DIAPH1: variants seen among roughly 807,000 people sequenced by gnomAD.
DIAPH1 encodes protein diaphanous homolog 1.
DIAPH1 carries 46 observed loss-of-function variants against 140.7 expected under a neutral mutation model. That is an observed-to-expected ratio of 0.33 (90% CI 0.26 to 0.42). The LOEUF is 0.42. Among genes scored for constraint, DIAPH1 ranks in the 10% least tolerant of loss-of-function variants. DIAPH1 has a pLI of 1.00. For synonymous variants in DIAPH1, 565 were observed against 551.6 expected, an observed-to-expected ratio of 1.02 and a Z score of -0.34; for missense variants, 1,310 against 1,558.7, an observed-to-expected ratio of 0.84 and a Z score of 2.69.
chr5:141,574,305 T>C (rs756397564), intron 15 of DIAPH1, 97 bp from the exon 16 acceptor site: 46 of 1,236,812 alleles, frequency 3.7e-5, no homozygotes, highest in Non-Finnish European at 5.2e-5. Flanking sequence ...AAACTTCTCA[T>C]GTTACAAATG....
chr5:141,550,778 C>T (rs2099891571), intron 18 of DIAPH1, among the ~76,000 whole-genome samples: 2 of 152,134 alleles, frequency 1.3e-5, no homozygotes, highest in Admixed American at 1.3e-4. Flanking sequence ...CCCAGCTATC[C>T]TTTCCTTGTT....
intron 19 of DIAPH1, among the ~76,000 whole-genome samples, chr5:141,532,492 C>G (rs1328179387): frequency 6.6e-6 from 1 of 152,142 alleles, no homozygotes; most frequent in Admixed American, 6.5e-5. Context: ...GGTCTTTCAA[C>G]TCAGTTTAAG....
At chr5:141,616,912 G>C (rs768952605) in intron 1 of DIAPH1, among the ~76,000 whole-genome samples, 1 of 152,182 alleles carries the variant, frequency 6.6e-6, no homozygotes, top group Non-Finnish European at 1.5e-5. Flanking sequence ...CATTCCAAAA[G>C]ACAGGTGAAA....
At chr5:141,566,509 G>C (rs2099894399) in intron 18 of DIAPH1, among the ~76,000 whole-genome samples, 1 of 152,166 alleles carries the variant, frequency 6.6e-6, no homozygotes, top group African/African-American at 2.4e-5. Flanking sequence ...TTAGTAAAGA[G>C]GCAAAATGAT....
intron 18 of DIAPH1, among the ~76,000 whole-genome samples, chr5:141,542,316 C>T (rs570163313): frequency 6.6e-6 from 1 of 152,108 alleles, no homozygotes; most frequent in South Asian, 2.1e-4. Flanking sequence ...GCCTGTAATC[C>T]CAGCTACTCG....
intron 1 of DIAPH1, among the ~76,000 whole-genome samples, chr5:141,597,076 T>C (rs1213395510): frequency 1.3e-5 from 2 of 152,098 alleles, no homozygotes; most frequent in African/African-American, 4.8e-5. Flanking sequence ...GAAGACCAGT[T>C]TGGGAGGACC....
intron 18 of DIAPH1, among the ~76,000 whole-genome samples, chr5:141,537,582 A>G (rs528859135): frequency 6.6e-6 from 1 of 152,242 alleles, no homozygotes; most frequent in African/African-American, 2.4e-5. Flanking sequence ...GAAGAACTAC[A>G]AGAATTAATC....
chr5:141,578,147 A>G (rs2099896234), intron 11 of DIAPH1, 78 bp downstream of exon 11: 1 of 1,087,372 alleles, frequency 9.2e-7, no homozygotes, highest in African/African-American at 1.5e-5. Context: ...TCATCTCCCA[A>G]ACCATTCCAC....
intron 10 of DIAPH1, 22 bp from the exon 11 acceptor site, chr5:141,578,365 G>C (rs769851662): frequency 1.9e-6 from 3 of 1,596,846 alleles, no homozygotes; most frequent in Admixed American, 3.3e-5. Context: ...AAAAGTAGAA[G>C]TCAGGGAACC....
intron 18 of DIAPH1, among the ~76,000 whole-genome samples, chr5:141,544,836 T>G (rs2099890543): frequency 6.6e-6 from 1 of 152,206 alleles, no homozygotes; most frequent in Admixed American, 6.5e-5. Context: ...TTTGGCAGTT[T>G]CTTATACAGT....
Position 141,526,351 on chromosome 5 carries a change from C to T in DIAPH1, c.3384G>A (p.Lys1128=), listed in dbSNP as rs1596337419. Residue 1128 remains lysine (K), a synonymous_variant, in exon 25 of 28, where the codon AAG becomes AAA. Coordinates refer to ENST00000389054, the MANE Select transcript of DIAPH1 (RefSeq NM_005219.5). ...LGEYFLFDPK[K]LSVEEFFMDL... ...CCATGAAAAATTCTTCAACAGACAA[C>T]TTCTTGGGGTCAAAGAGGAAGTACT... is the stretch of plus-strand genomic sequence containing the variant. 6.2e-7 allele frequency: 1 copy of T among 1,614,198 alleles called. No individual in the cohort carries two copies.
At chr5:141,546,789 G>A (rs1262233908) in intron 18 of DIAPH1, among the ~76,000 whole-genome samples, 1 of 152,222 alleles carries the variant, frequency 6.6e-6, no homozygotes, top group Non-Finnish European at 1.5e-5. Flanking sequence ...GGGTGAAAGA[G>A]GTAGATCAAG....
chr5:141,611,436 G>A (rs1248135699), intron 1 of DIAPH1, among the ~76,000 whole-genome samples: 1 of 152,170 alleles, frequency 6.6e-6, no homozygotes, highest in African/African-American at 2.4e-5. Flanking sequence ...ACACACGCCT[G>A]TAGTCCCAGC....
At chr5:141,612,117 T>C (rs2154597362) in intron 1 of DIAPH1, among the ~76,000 whole-genome samples, 1 of 152,254 alleles carries the variant, frequency 6.6e-6, no homozygotes, top group East Asian at 1.9e-4. Context: ...TGAGATATCA[T>C]CACATACCCA....
rs759187244 is a variant in DIAPH1 at position 141,549,847 on chromosome 5, AAAT to A, written c.2483-15417_2483-15415del. The stretch of plus-strand genomic sequence containing the variant: ...ACAAATGGAACTCATAAAAAGCACA[AAAT>A]AAGACGGTAGATTTAAACCTCAATA... On this transcript the variant is annotated intron_variant, in intron 18 of 27. Coordinates refer to ENST00000389054, the MANE Select transcript of DIAPH1 (RefSeq NM_005219.5). 7.9e-5 allele frequency among the ~76,000 whole-genome samples: 12 copies of A among 152,318 alleles called. No homozygotes were observed. In the South Asian group the frequency reaches 2.5e-3, roughly 32 times the overall value.
chr5:141,532,179 G>T (rs1372272508), intron 19 of DIAPH1, among the ~76,000 whole-genome samples: 3 of 146,148 alleles, frequency 2.1e-5, no homozygotes, highest in East Asian at 2.0e-4. Context: ...TAATTTTTTG[G>T]TTTTTTTTTT....
rs532955102 is a variant in DIAPH1 at position 141,601,962 on chromosome 5, T to C, written c.118-13712A>G. Reference sequence around the variant, plus strand: ...CCTCAATAATGACAAAGTCTACCTATGGGTAAAATGGGAAATAAGTATCAC... The same window carrying C: ...CCTCAATAATGACAAAGTCTACCTACGGGTAAAATGGGAAATAAGTATCAC... On this transcript the variant is annotated intron_variant, in intron 1 of 27. Coordinates refer to ENST00000389054, the MANE Select transcript of DIAPH1 (RefSeq NM_005219.5). Among the ~76,000 whole-genome samples the C allele has an allele frequency of 2.6e-5, 4 of 152,288 alleles. No homozygotes were observed. In the South Asian group the frequency reaches 8.3e-4, roughly 32 times the overall value.
intron 8 of DIAPH1, 66 bp downstream of exon 8, chr5:141,580,677 TG>T: frequency 6.4e-7 from 1 of 1,560,922 alleles, no homozygotes; most frequent in East Asian, 2.2e-5. Flanking sequence ...CCAACTCAAT[TG>T]TCCTCTGAAC....
At chr5:141,592,176 G>A (rs540326576) in intron 1 of DIAPH1, among the ~76,000 whole-genome samples, 1 of 151,908 alleles carries the variant, frequency 6.6e-6, no homozygotes, top group African/African-American at 2.4e-5. Context: ...ATCCACGAGG[G>A]AAAAAAAGCT....
Sources: gnomAD v4.1 joint callset for allele counts (sites outside exome capture counted in the v4.1 genomes callset) on GRCh38, gnomAD v4.1.1 for gene constraint, MANE v1.5 for transcripts, NCBI Gene and HGNC (gene_info 2026-07-23, HGNC 2026-07-21) for gene names.